Variants in LAMC3 observed in about 807,000 individuals in gnomAD.
LAMC3 encodes the protein laminin subunit gamma-3.
A neutral mutation model predicts 173.8 loss-of-function variants in LAMC3; 128 were observed. The ratio of observed to expected loss-of-function variants is 0.74; its 90% confidence interval spans 0.64 to 0.85. The LOEUF (loss-of-function observed/expected upper bound fraction) is 0.85. LAMC3 is among the 40% of genes least tolerant of loss of function. The pLI is 0.00. For missense variants in LAMC3, 2,022 were observed against 2,156.0 expected (o/e 0.94, Z 1.23); for synonymous variants, 897 against 909.1 (o/e 0.99, Z 0.24).
At chr9:131,060,061 C>T (rs763657743) in intron 12 of LAMC3, among the ~76,000 whole-genome samples, 1 of 152,150 alleles carries the variant, frequency 6.6e-6, no homozygotes, top group Admixed American at 6.5e-5. Flanking sequence ...TGAGCAGATG[C>T]CAGGTGCAGT....
At chr9:131,052,279 A>G (rs564874622) in intron 9 of LAMC3, among the ~76,000 whole-genome samples, 1 of 152,362 alleles carries the variant, frequency 6.6e-6, no homozygotes, top group South Asian at 2.1e-4. Flanking sequence ...GAAGATGGTC[A>G]CAGCAGAGCA....
At chr9:131,043,891 ACTCTTC>A (rs760640891) in intron 7 of LAMC3, among the ~76,000 whole-genome samples, 12 of 149,440 alleles carry the variant, frequency 8.0e-5, no homozygotes, top group Non-Finnish European at 1.8e-4. Context: ...GTTCTTTGAT[ACTCTTC>A]CTCTAGGAGG....
At chr9:131,089,648 A>T (rs1830389968) in intron 27 of LAMC3, among the ~76,000 whole-genome samples, 1 of 150,950 alleles carries the variant, frequency 6.6e-6, no homozygotes, top group African/African-American at 2.4e-5. Context: ...TTGGCCTCCC[A>T]AAGTGCTGGG....
At chr9:131,074,310 G>A (rs765102337) in intron 20 of LAMC3, among the ~76,000 whole-genome samples, 4 of 151,988 alleles carry the variant, frequency 2.6e-5, no homozygotes, top group Admixed American at 6.6e-5. Context: ...TCCTCTTACA[G>A]TTGAATAATA....
Position 131,056,834 on chromosome 9 carries a change from G to A in LAMC3, c.1940-95G>A. 6 of 885,330 alleles carry A rather than the reference G, an allele frequency of 6.8e-6. No homozygotes were observed. In the South Asian group the frequency reaches 7.9e-5, roughly 12 times the overall value. The allele number at this position is 885,330 out of a possible 1,614,324, so 54.8% of individuals were successfully genotyped here. On this transcript the variant is annotated intron_variant, in intron 11 of 27. Coordinates refer to ENST00000361069, the MANE Select transcript of LAMC3 (RefSeq NM_006059.4). ...ATTGCTAGTCTGCCTTTATATACGT[G>A]GGCCTGGTCCATATGTGAACAGGAA...
intron 8 of LAMC3, among the ~76,000 whole-genome samples, chr9:131,048,790 GC>G (rs986497758): frequency 6.6e-6 from 1 of 152,094 alleles, no homozygotes; most frequent in East Asian, 1.9e-4. Flanking sequence ...ATGTCCCAGG[GC>G]CCCCATGTGG....
intron 24 of LAMC3, among the ~76,000 whole-genome samples, chr9:131,083,627 C>G (rs902189281): frequency 2.6e-5 from 4 of 152,086 alleles, no homozygotes; most frequent in African/African-American, 9.7e-5. Flanking sequence ...CTGAGAAGGC[C>G]TGTAATAAAG....
At chr9:131,035,428 G>A (rs10119182) in intron 3 of LAMC3, among the ~76,000 whole-genome samples, 366 of 152,246 alleles carry the variant, frequency 2.4e-3, no homozygotes, top group African/African-American at 8.3e-3. Flanking sequence ...AGCAGGGGAT[G>A]GGGTGGGGCT....
chr9:131,076,794 C>T (rs1830136248), intron 21 of LAMC3, among the ~76,000 whole-genome samples: 1 of 152,220 alleles, frequency 6.6e-6, no homozygotes, highest in African/African-American at 2.4e-5. Flanking sequence ...CCCAAGGTCT[C>T]TGGAAAGGGC....
chr9:131,050,117 T>A (rs1834253790), intron 9 of LAMC3, among the ~76,000 whole-genome samples: 1 of 152,208 alleles, frequency 6.6e-6, no homozygotes, highest in Non-Finnish European at 1.5e-5. Flanking sequence ...AGCAAAAAAC[T>A]CACTCTGTTC....
intron 6 of LAMC3, 73 bp downstream of exon 6, chr9:131,039,321 C>T (rs1834002856): frequency 8.0e-7 from 1 of 1,245,026 alleles, no homozygotes; most frequent in Non-Finnish European, 1.2e-6. Flanking sequence ...AGGCTGTCAG[C>T]AGTCCCTCCC....
intron 12 of LAMC3, among the ~76,000 whole-genome samples, chr9:131,058,479 G>A (rs2133293807): frequency 6.6e-6 from 1 of 152,152 alleles, no homozygotes; most frequent in East Asian, 1.9e-4. Flanking sequence ...GGAGGCACCT[G>A]AGAAGGCTGG....
chr9:131,085,475 C>T (rs570248332), intron 24 of LAMC3, 49 bp from the exon 25 acceptor site: 17 of 1,602,986 alleles, frequency 1.1e-5, no homozygotes, highest in Middle Eastern at 1.7e-4. Context: ...TGGGAGGCAC[C>T]GGAGGTGTGA....
intron 24 of LAMC3, among the ~76,000 whole-genome samples, chr9:131,083,331 G>T (rs1171992827): frequency 6.6e-6 from 1 of 152,136 alleles, no homozygotes; most frequent in Non-Finnish European, 1.5e-5. Context: ...CCACAGGAGG[G>T]CTAACCTCAA....
intron 11 of LAMC3, among the ~76,000 whole-genome samples, chr9:131,056,691 G>C (rs1834412242): frequency 2.0e-5 from 3 of 151,998 alleles, no homozygotes; most frequent in African/African-American, 7.3e-5. Flanking sequence ...TACTTGGGAG[G>C]GTGACATGGT....
chr9:131,043,065 A>G lies in LAMC3; in HGVS notation c.1382+1330A>G, dbSNP rs578251238. On this transcript the variant is annotated intron_variant, in intron 7 of 27. Transcript: ENST00000361069. ...CACAGCAGTCTTGGCCATGAGCCCT[A>G]CTATAACCTCAGGATCCTTCTTAAC... Among the ~76,000 whole-genome samples, 3 of 152,234 alleles carry G rather than the reference A, an allele frequency of 2.0e-5. No individual in the cohort carries two copies. In the South Asian group the frequency reaches 6.2e-4, roughly 32 times the overall value.
intron 19 of LAMC3, 36 bp downstream of exon 19, chr9:131,072,871 A>C: frequency 1.9e-6 from 3 of 1,573,952 alleles, no homozygotes; most frequent in Non-Finnish European, 2.6e-6. Context: ...AACACACCAA[A>C]CCTGGGCATT....
intron 2 of LAMC3, 89 bp from the exon 3 acceptor site, chr9:131,031,956 G>C: frequency 6.2e-7 from 1 of 1,610,520 alleles, no homozygotes; most frequent in Non-Finnish European, 8.5e-7. Context: ...AGCTCCCGGG[G>C]CAGCCAGCTG....
In LAMC3 at chr9:131,036,166, G is replaced by C. The variant is rs778519621; in HGVS notation, c.810G>C (p.Arg270Ser). 1.9e-6 allele frequency: 3 copies of C among 1,613,280 alleles called. No homozygotes were observed. The East Asian group carries it at 6.7e-5, about 36-fold the overall frequency. ...YAVSDFSVGGRCKCNGHASEC... is the reference protein window; with the variant it reads ...YAVSDFSVGGSCKCNGHASEC... The stretch of plus-strand genomic sequence containing the variant: ...CTTCCTCCTCTGTGTCTTTTCCCAG[G>C]TGCAAGTGCAACGGGCATGCCAGCG... Residue 270 changes from arginine (R) to serine (S), a missense_variant and splice_region_variant, in exon 4 of 28, where the codon AGG becomes AGC. Arg to Ser is a moderately radical substitution (Grantham distance 110). Coordinates refer to ENST00000361069, the MANE Select transcript of LAMC3 (RefSeq NM_006059.4).
Sources: gnomAD v4.1 joint callset for allele counts (sites outside exome capture counted in the v4.1 genomes callset) on GRCh38, gnomAD v4.1.1 for gene constraint, MANE v1.5 for transcripts, NCBI Gene and HGNC (gene_info 2026-07-23, HGNC 2026-07-21) for gene names.